The following ZBTB24 variants were observed in gnomAD, a reference collection of about 807,000 sequenced individuals.
ZBTB24 encodes the protein zinc finger and BTB domain containing 24.
Under a neutral mutation model 53.8 loss-of-function variants are expected in ZBTB24, and 32 were observed. The observed-to-expected ratio is 0.60, with a 90% CI of 0.45 to 0.80. ZBTB24 has a LOEUF of 0.80. ZBTB24 is among the 30% of genes least tolerant of loss of function. The pLI is 0.00. For synonymous variants in ZBTB24, 297 were observed against 306.7 expected (o/e 0.97, Z 0.33); for missense variants, 722 against 837.1 (o/e 0.86, Z 1.70).
In ZBTB24 at chr6:109,482,015, T is replaced by C; in HGVS notation, c.12A>G (p.Thr4=). The part of the protein sequence containing the change: MAE[T]SPEPSGQLVV... Reference sequence around the variant, plus strand: ...CAAGCTGCCCAGAAGGCTCTGGCGATGTTTCTGCCATTTTCTTCAGAAGCC... The same window carrying C: ...CAAGCTGCCCAGAAGGCTCTGGCGACGTTTCTGCCATTTTCTTCAGAAGCC... The change falls in exon 2 of 7, where the codon ACA becomes ACG. Residue 4 remains threonine (T), a synonymous_variant. Transcript: ENST00000230122. The C allele has an allele frequency of 6.2e-7, 1 of 1,614,212 alleles. No individual in the cohort carries two copies. Among genetic ancestry groups the C allele is most frequent in the Non-Finnish European group, 8.5e-7 (1 of 1,180,020 alleles).
intron 3 of ZBTB24, 62 bp downstream of exon 3, chr6:109,476,701 G>T: frequency 6.3e-7 from 1 of 1,580,036 alleles, no homozygotes; most frequent in East Asian, 2.3e-5. Context: ...TTAGGTGTTG[G>T]TAATGCCCAC....
chr6:109,477,453 A>G (rs926380318), intron 2 of ZBTB24, among the ~76,000 whole-genome samples: 2 of 152,130 alleles, frequency 1.3e-5, no homozygotes, highest in Admixed American at 6.5e-5. Flanking sequence ...ACCCAGCCCA[A>G]TACAACCTAA....
At chr6:109,468,777 C>T (rs1180191667) in intron 5 of ZBTB24, among the ~76,000 whole-genome samples, 3 of 152,126 alleles carry the variant, frequency 2.0e-5, no homozygotes, top group East Asian at 1.9e-4. Flanking sequence ...ACCTGAGATG[C>T]TATAACTGCT....
intron 2 of ZBTB24, chr6:109,480,832 T>A (rs1012603854): frequency 7.6e-6 from 5 of 657,636 alleles, no homozygotes; most frequent in Non-Finnish European, 9.4e-6. Context: ...TTGCTTCATC[T>A]GTAAACTATG....
At chr6:109,481,026 T>G (rs1193656169) in intron 2 of ZBTB24, 49 bp downstream of exon 2, 2 of 1,604,474 alleles carry the variant, frequency 1.2e-6, no homozygotes, top group Admixed American at 3.4e-5. Context: ...TTATCATCAC[T>G]ACTCCCAATT....
rs1220522724 is a variant in ZBTB24 at position 109,475,523 on chromosome 6, C to T, written c.1205-41G>A. On this transcript the variant is annotated intron_variant, in intron 4 of 6. Coordinates refer to ENST00000230122, the MANE Select transcript of ZBTB24 (RefSeq NM_014797.3). Reference sequence around the variant, plus strand: ...AAAAAAGTGTCAGTGCATACATGCTCTCCCTGCCTTTTCTTCAGTGATTTG... The same window carrying T: ...AAAAAAGTGTCAGTGCATACATGCTTTCCCTGCCTTTTCTTCAGTGATTTG... 3.1e-6 allele frequency: 5 copies of T among 1,603,512 alleles called. No individual in the cohort carries two copies. In the African/African-American group the frequency reaches 4.0e-5, roughly 13 times the overall value.
Position 109,465,798 on chromosome 6 carries a change from T to A in ZBTB24, c.*53A>T. The A allele has an allele frequency of 6.2e-7, 1 of 1,614,112 alleles. No individual in the cohort carries two copies. Among genetic ancestry groups the A allele is most frequent in the Non-Finnish European group, 8.5e-7 (1 of 1,180,042 alleles). ...CTGATTTCAAGCGTTCAAAATCCAGTCAGAGCTGGCTTATAAGAAGAGCCC... is the reference window on the plus strand; with the variant it reads ...CTGATTTCAAGCGTTCAAAATCCAGACAGAGCTGGCTTATAAGAAGAGCCC... On this transcript the variant is annotated 3_prime_UTR_variant, in exon 7 of 7. Transcript: ENST00000230122.
rs767040937 is a variant in ZBTB24, at chr6:109,463,558, ATACT to A, written c.*2289_*2292del. The A allele has an allele frequency of 1.8e-4, 28 of 152,276 alleles. No individual in the cohort carries two copies. Among genetic ancestry groups the A allele is most frequent in the African/African-American group, 4.1e-4 (17 of 41,558 alleles). The allele number at this position is 152,276 out of a possible 1,614,324, so 9.4% of individuals were successfully genotyped here. A position where few individuals can be genotyped will look rare whatever the true frequency, so the allele number is the denominator to read the frequency against. On this transcript the variant is annotated 3_prime_UTR_variant, in exon 7 of 7. Coordinates refer to ENST00000230122, the MANE Select transcript of ZBTB24 (RefSeq NM_014797.3). ...AAATTTAATATAAATTTTTAAACTGATACTTATTTCAATTCTTGAAAAAAACTTT... is the reference window on the plus strand; with the variant it reads ...AAATTTAATATAAATTTTTAAACTGATATTTCAATTCTTGAAAAAAACTTT...
intron 5 of ZBTB24, among the ~76,000 whole-genome samples, chr6:109,474,796 T>C (rs1281530985): frequency 6.6e-6 from 1 of 151,970 alleles, no homozygotes. Context: ...CTCAGCATTT[T>C]GGGAGGCTCA....
At position 109,481,734 on chromosome 6, in the gene ZBTB24, T is replaced by C. The variant is rs754147146; in HGVS notation, c.293A>G (p.Tyr98Cys). 1.9e-6 allele frequency: 3 copies of C among 1,614,230 alleles called. No individual in the cohort carries two copies. Among genetic ancestry groups the C allele is most frequent in the East Asian group, 2.2e-5 (1 of 44,888 alleles). The change falls in exon 2 of 7, where the codon TAT becomes TGT. Residue 98 changes from tyrosine to cysteine, a missense_variant. Transcript: ENST00000230122. Reference sequence around the variant, plus strand: ...TGTACTTTTCTCACTGGCATGGAGATAACCTGTGTAGATAAATTCCAGCAG... The same window carrying C: ...TGTACTTTTCTCACTGGCATGGAGACAACCTGTGTAGATAAATTCCAGCAG... ...GILLEFIYTG[Y>C]LHASEKSTEQ...
In ZBTB24 at chr6:109,467,641, G is replaced by A. The variant is rs775621871; in HGVS notation, c.1370+12C>T. On this transcript the variant is annotated intron_variant, in intron 6 of 6. Transcript: ENST00000230122. ...AGGCCTCCATGCGAGAAAAATATCT[G>A]CAAAACTTTACCGATGGATTCTGAT... 8.7e-6 allele frequency: 14 copies of A among 1,613,968 alleles called. No individual in the cohort carries two copies. The highest frequency in any genetic ancestry group is 1.2e-5 in the Non-Finnish European group (14 of 1,180,006).
At chr6:109,473,172 G>A (rs1011814870) in intron 5 of ZBTB24, among the ~76,000 whole-genome samples, 1 of 152,130 alleles carries the variant, frequency 6.6e-6, no homozygotes, top group Admixed American at 6.5e-5. Context: ...CCAATTCCCA[G>A]GCTCTGCCCA....
In ZBTB24 at chr6:109,481,535, T is replaced by G; in HGVS notation, c.492A>C (p.Arg164Ser). The G allele has an allele frequency of 6.2e-7, 1 of 1,614,212 alleles. No homozygotes were observed. Among genetic ancestry groups the G allele is most frequent in the Non-Finnish European group, 8.5e-7 (1 of 1,180,028 alleles). ...CCTGCAATGTATTGACTTTTTTTGG[T>G]CTTCCCCGTTTCCGCTTTGGAGGAT... ...KNDPPKRKRG[R>S]PKKVNTLQEE... is the part of the protein sequence containing the mutation. Residue 164 changes from arginine to serine, a missense_variant, in exon 2 of 7, where the codon AGA becomes AGC. Physicochemically the swap from Arg to Ser is moderately radical, Grantham distance 110. Coordinates refer to ENST00000230122, the MANE Select transcript of ZBTB24 (RefSeq NM_014797.3).
chr6:109,481,124 C>T lies in ZBTB24; in HGVS notation c.903G>A (p.Lys301=), dbSNP rs756980344. 7 of 1,614,190 alleles carry T rather than the reference C, an allele frequency of 4.3e-6. 1 individual carries two copies. In the South Asian group the frequency reaches 7.7e-5, roughly 18 times the overall value. The part of the protein sequence containing the change: ...GPEARCKDCG[K]VFKYNHFLAI... Reference sequence around the variant, plus strand: ...CTAAAAAGTGATTGTACTTAAAGACCTTGCCACAGTCTTTACAGCGGGCCT... The same window carrying T: ...CTAAAAAGTGATTGTACTTAAAGACTTTGCCACAGTCTTTACAGCGGGCCT... Residue 301 remains lysine, a synonymous_variant, in exon 2 of 7, where the codon AAG becomes AAA. Transcript: ENST00000230122.
chr6:109,466,237 T>C lies in ZBTB24; in HGVS notation c.1708A>G (p.Ser570Gly). 1 of 1,614,250 alleles carries C rather than the reference T, an allele frequency of 6.2e-7. No individual in the cohort carries two copies. The highest frequency in any genetic ancestry group is 8.5e-7 in the Non-Finnish European group (1 of 1,180,044). Reference protein sequence around the residue: ...VHNINFMPGPSQGISIVTAES... With the variant: ...VHNINFMPGPGQGISIVTAES... ...GCAGTCACAATGCTGATTCCCTGGC[T>C]AGGACCGGGCATGAAATTGATGTTA... The change falls in exon 7 of 7, where the codon AGC (serine) becomes GGC (glycine). Residue 570 changes from serine (S) to glycine (G), a missense_variant. Coordinates refer to ENST00000230122, the MANE Select transcript of ZBTB24 (RefSeq NM_014797.3).
intron 2 of ZBTB24, 107 bp from the exon 3 acceptor site, chr6:109,477,037 C>G (rs759982268): frequency 6.9e-7 from 1 of 1,448,816 alleles, no homozygotes. Flanking sequence ...GGCACACATC[C>G]AAAAGGCCAA....
chr6:109,477,366 G>T (rs1313600765), intron 2 of ZBTB24, among the ~76,000 whole-genome samples: 1 of 152,094 alleles, frequency 6.6e-6, no homozygotes, highest in East Asian at 1.9e-4. Flanking sequence ...GCCCAGGCAG[G>T]TCTCCAACTC....
Position 109,481,069 on chromosome 6 carries a change from C to T in ZBTB24, c.952+6G>A, listed in dbSNP as rs1776397526. 6.2e-7 allele frequency: 1 copy of T among 1,613,704 alleles called. No individual in the cohort carries two copies. Among genetic ancestry groups the T allele is most frequent in the Non-Finnish European group, 8.5e-7 (1 of 1,179,672 alleles). On this transcript the variant is annotated splice_donor_region_variant and intron_variant, in intron 2 of 6. Transcript: ENST00000230122. The stretch of plus-strand genomic sequence containing the variant: ...ACACTGCAATCAGCTTTGAAAACAT[C>T]ATTACCTGTGTGGCTCCTCTGGTGG...
intron 5 of ZBTB24, among the ~76,000 whole-genome samples, chr6:109,468,394 C>T (rs185665981): frequency 1.7e-4 from 26 of 152,086 alleles, no homozygotes; most frequent in South Asian, 6.2e-4. Context: ...GCCCTACAAG[C>T]GATCATAGAT....
Sources: allele counts gnomAD v4.1 joint callset (sites outside exome capture counted in the v4.1 genomes callset), GRCh38; gene constraint gnomAD v4.1.1; transcripts MANE v1.5; gene names NCBI Gene and HGNC (gene_info 2026-07-23, HGNC 2026-07-21).